The following LPA variants were observed in gnomAD, a reference collection of about 807,000 sequenced individuals.
The protein encoded by LPA is apolipoprotein(a).
A neutral mutation model predicts 197.9 loss-of-function variants in LPA; 199 were observed. That is an observed-to-expected ratio of 1.01 (90% confidence interval 0.90 to 1.13). LPA has a LOEUF of 1.13. Among genes scored for constraint, LPA ranks in the 50% most tolerant of loss-of-function variants. The pLI, the probability that LPA is intolerant of heterozygous loss-of-function variation, is 0.00. For synonymous variants in LPA, 715 were observed against 639.5 expected, an observed-to-expected ratio of 1.12 and a Z score of -1.78; for missense variants, 1,853 against 1,785.8, an observed-to-expected ratio of 1.04 and a Z score of -0.68.
intron 20 of LPA, among the ~76,000 whole-genome samples, chr6:160,598,643 A>G (rs1328598186): frequency 6.6e-6 from 1 of 151,984 alleles, no homozygotes; most frequent in African/African-American, 2.4e-5. Flanking sequence ...CGCCCCTTTT[A>G]CTTTTCAGCA....
chr6:160,649,623 C>G (rs769078664), intron 2 of LPA, among the ~76,000 whole-genome samples: 2 of 152,186 alleles, frequency 1.3e-5, no homozygotes, highest in Non-Finnish European at 2.9e-5. Context: ...TCATTGTTCT[C>G]TCTCTCGCAA....
At chr6:160,570,220 G>T (rs902304069) in intron 28 of LPA, among the ~76,000 whole-genome samples, 1 of 152,142 alleles carries the variant, frequency 6.6e-6, no homozygotes, top group Non-Finnish European at 1.5e-5. Flanking sequence ...CAATAGCAAA[G>T]ACTTGGAACC....
intron 25 of LPA, among the ~76,000 whole-genome samples, chr6:160,585,450 G>C (rs766897614): frequency 6.6e-6 from 1 of 152,070 alleles, no homozygotes; most frequent in African/African-American, 2.4e-5. Flanking sequence ...ACAAAAAACA[G>C]ATCAGAGTGC....
chr6:160,608,819 T>TGTG (rs1779417101), intron 16 of LPA, among the ~76,000 whole-genome samples: 3 of 149,348 alleles, frequency 2.0e-5, no homozygotes, highest in Admixed American at 6.7e-5. Context: ...TTCTTGAGGG[T>TGTG]TGTGTGTGTG....
chr6:160,634,653 A>C (rs1352237820), intron 7 of LPA, among the ~76,000 whole-genome samples: 1 of 151,280 alleles, frequency 6.6e-6, no homozygotes, highest in African/African-American at 2.4e-5. Flanking sequence ...TGCTCCATAG[A>C]CCCAGGACCA....
chr6:160,659,393 C>G (rs574444069), intron 1 of LPA, among the ~76,000 whole-genome samples: 26 of 152,270 alleles, frequency 1.7e-4, no homozygotes, highest in African/African-American at 5.5e-4. Context: ...CTTTCAGTCA[C>G]CTCTGGGAGC....
intron 36 of LPA, among the ~76,000 whole-genome samples, chr6:160,539,205 G>A (rs571140319): frequency 1.3e-5 from 2 of 152,208 alleles, no homozygotes; most frequent in African/African-American, 2.4e-5. Context: ...GCCTTCCAGA[G>A]CCACCAGCAC....
At chr6:160,571,058 T>C (rs1778553820) in intron 28 of LPA, among the ~76,000 whole-genome samples, 1 of 152,164 alleles carries the variant, frequency 6.6e-6, no homozygotes, top group East Asian at 1.9e-4. Context: ...GGAGGATTTG[T>C]TCATTCCTTT....
At chr6:160,552,855 T>C (rs543825375) in intron 30 of LPA, among the ~76,000 whole-genome samples, 1 of 152,350 alleles carries the variant, frequency 6.6e-6, no homozygotes, top group African/African-American at 2.4e-5. Context: ...GGTAGTTCAG[T>C]TTGTGTCTAC....
chr6:160,576,396 A>ATACACATATATATATATATATATATGTG (rs1778674416), intron 28 of LPA, among the ~76,000 whole-genome samples: 2 of 46,932 alleles, frequency 4.3e-5, no homozygotes, highest in East Asian at 2.0e-3. Flanking sequence ...ATATGTATAT[A>ATACACATATATATATATATATATATGTG]TATATATATA....
intron 17 of LPA, 38 bp from the exon 18 acceptor site, chr6:160,605,243 C>T (rs1471827413): frequency 2.5e-6 from 4 of 1,608,570 alleles, no homozygotes; most frequent in Non-Finnish European, 3.4e-6. Context: ...TGAGTGTTTC[C>T]AAGAAGAGAC....
At position 160,586,494 on chromosome 6, in the gene LPA, G is replaced by T; in HGVS notation, c.4084C>A (p.Pro1362Thr). ...PVMESTLLTT[P>T]TVVPVPSTEL... ...GTGCTTGGAACTGGGACCACCGTGG[G>T]AGTTGTGAGGAGAGTTGATTCCATC... is the stretch of plus-strand genomic sequence containing the variant. Residue 1362 changes from proline (P) to threonine (T), a missense_variant, in exon 25 of 39, where the codon CCC becomes ACC. Pro to Thr is a conservative substitution (Grantham distance 38). Around this residue, in one of 3 missense-constraint regions of LPA, gnomAD observed 1,737 missense variants for 1,504.4 expected, o/e 1.15. Transcript: ENST00000316300. The T allele has an allele frequency of 2.5e-6, 4 of 1,613,786 alleles. No individual in the cohort carries two copies. The highest frequency in any genetic ancestry group is 3.4e-6 in the Non-Finnish European group (4 of 1,179,742).
chr6:160,654,083 A>T (rs1294923831), intron 1 of LPA, among the ~76,000 whole-genome samples: 3 of 35,000 alleles, frequency 8.6e-5, no homozygotes, highest in Non-Finnish European at 1.5e-4. Flanking sequence ...AATATATATT[A>T]TATATATTAT....
In LPA at chr6:160,584,096, G is replaced by T. The variant is rs556433666; in HGVS notation, c.4289+950C>A. ...CTGCCTGACAACCCATATCCCTTCAGAAAACTGGTGCTTAGAACCCAGTGT... is the reference window on the plus strand; with the variant it reads ...CTGCCTGACAACCCATATCCCTTCATAAAACTGGTGCTTAGAACCCAGTGT... On this transcript the variant is annotated intron_variant, in intron 26 of 38. Transcript: ENST00000316300. Among the ~76,000 whole-genome samples, 3 of 152,136 alleles carry T rather than the reference G, an allele frequency of 2.0e-5. No individual in the cohort carries two copies. The South Asian group carries it at 6.2e-4, about 32-fold the overall frequency.
chr6:160,594,069 C>T lies in LPA; in HGVS notation c.3518G>A (p.Gly1173Glu), dbSNP rs535505150. 6.2e-7 allele frequency: 1 copy of T among 1,613,974 alleles called. No homozygotes were observed. Among genetic ancestry groups the T allele is most frequent in the South Asian group, 1.1e-5 (1 of 91,084 alleles). The change falls in exon 22 of 39, where the codon GGA becomes GAA. Residue 1173 changes from glycine (G) to glutamate (E), a missense_variant. This residue lies in a region of LPA where 1,737 missense variants were observed against 1,504.4 expected (regional missense o/e 1.15). Coordinates refer to ENST00000316300, the MANE Select transcript of LPA (RefSeq NM_005577.4). ...AGAGAATGAGCCTCGATAACTCTGT[C>T]CATCACCATGGTAGCAATCCTGGAC... Reference protein sequence around the residue: ...PGVQDCYHGDGQSYRGSFSTT... With the variant: ...PGVQDCYHGDEQSYRGSFSTT...
chr6:160,589,816 AC>A, intron 23 of LPA, 104 bp from the exon 24 acceptor site: 1 of 1,347,244 alleles, frequency 7.4e-7, no homozygotes, highest in Non-Finnish European at 1.1e-6. Flanking sequence ...GAAAATGACG[AC>A]CATGCTCTGT....
At chr6:160,574,716 C>G (rs774262726) in intron 28 of LPA, among the ~76,000 whole-genome samples, 7 of 152,186 alleles carry the variant, frequency 4.6e-5, no homozygotes, top group Non-Finnish European at 8.8e-5. Flanking sequence ...TAAGGCCTCC[C>G]TTTTCCACTT....
intron 26 of LPA, among the ~76,000 whole-genome samples, chr6:160,582,774 G>A (rs911884976): frequency 1.3e-5 from 2 of 152,036 alleles, no homozygotes; most frequent in Non-Finnish European, 2.9e-5. Flanking sequence ...ACTGCTTCAA[G>A]TATTTTTTCT....
At chr6:160,648,855 C>G (rs1022799048) in intron 2 of LPA, among the ~76,000 whole-genome samples, 1 of 152,068 alleles carries the variant, frequency 6.6e-6, no homozygotes, top group Admixed American at 6.6e-5. Context: ...AGTGATATGT[C>G]AAATTTTTAT....
Sources: allele counts gnomAD v4.1 joint callset (sites outside exome capture counted in the v4.1 genomes callset), GRCh38; gene constraint gnomAD v4.1.1; regional missense constraint gnomAD v4.1.1; transcripts MANE v1.5; gene names NCBI Gene and HGNC (gene_info 2026-07-23, HGNC 2026-07-21).